The following GPC6 variants were observed in gnomAD, a reference collection of about 807,000 sequenced individuals.
GPC6 encodes the protein glypican 6.
GPC6 carries 14 observed loss-of-function variants against 55.2 expected under a neutral mutation model. The ratio of observed to expected loss-of-function variants is 0.25; its 90% CI spans 0.17 to 0.40. GPC6 has a LOEUF of 0.40. Among genes scored for constraint, GPC6 ranks in the 10% least tolerant of loss-of-function variants. The pLI, the probability that GPC6 is intolerant of heterozygous loss-of-function variation, is 1.00. For synonymous variants in GPC6, 278 were observed against 259.6 expected (o/e 1.07, Z -0.68); for missense variants, 641 against 708.5 (o/e 0.90, Z 1.08).
intron 2 of GPC6, among the ~76,000 whole-genome samples, chr13:93,650,986 G>A (rs922554471): frequency 3.9e-5 from 6 of 152,200 alleles, no homozygotes; most frequent in East Asian, 1.9e-4. Context: ...TCATGAACAA[G>A]CATTAAGTAT....
intron 2 of GPC6, among the ~76,000 whole-genome samples, chr13:93,785,786 C>A (rs1332383753): frequency 6.6e-6 from 1 of 151,960 alleles, no homozygotes; most frequent in Admixed American, 6.6e-5. Flanking sequence ...CATAGCAAGA[C>A]CCCATCTCTA....
At chr13:93,389,181 G>A (rs1875518288) in intron 1 of GPC6, among the ~76,000 whole-genome samples, 1 of 151,932 alleles carries the variant, frequency 6.6e-6, no homozygotes, top group Non-Finnish European at 1.5e-5. Context: ...ACTAATTACT[G>A]CTAGAAATAC....
At chr13:93,261,294 A>G (rs1358243914) in intron 1 of GPC6, among the ~76,000 whole-genome samples, 1 of 152,144 alleles carries the variant, frequency 6.6e-6, no homozygotes, top group Non-Finnish European at 1.5e-5. Context: ...TTTTTAAATC[A>G]GTTATTCCAA....
chr13:93,512,490 CT>C (rs1881019348), intron 1 of GPC6, among the ~76,000 whole-genome samples: 1 of 152,050 alleles, frequency 6.6e-6, no homozygotes, highest in Non-Finnish European at 1.5e-5. Flanking sequence ...TTGAATCATC[CT>C]TGCAGTCCTG....
At chr13:93,556,504 T>C (rs531375501) in intron 2 of GPC6, among the ~76,000 whole-genome samples, 241 of 150,430 alleles carry the variant, frequency 1.6e-3, no homozygotes, top group African/African-American at 5.8e-3. Flanking sequence ...GAATGGAGTA[T>C]CCATCCCCTC....
At chr13:93,324,432 G>T (rs1879566625) in intron 1 of GPC6, among the ~76,000 whole-genome samples, 2 of 151,400 alleles carry the variant, frequency 1.3e-5, no homozygotes, top group South Asian at 4.2e-4. Flanking sequence ...AGTATAATTG[G>T]ATTGTTTGTA....
intron 6 of GPC6, among the ~76,000 whole-genome samples, chr13:94,381,060 A>G (rs1880133137): frequency 6.6e-6 from 1 of 152,140 alleles, no homozygotes; most frequent in African/African-American, 2.4e-5. Context: ...ACAAGTGACC[A>G]ATTTGTCCCC....
chr13:93,752,260 C>T (rs1312458928), intron 2 of GPC6, among the ~76,000 whole-genome samples: 2 of 151,958 alleles, frequency 1.3e-5, no homozygotes, highest in African/African-American at 4.8e-5. Context: ...GATGATGTTT[C>T]AGAGCTCATG....
intron 1 of GPC6, among the ~76,000 whole-genome samples, chr13:93,371,712 G>A (rs1310794568): frequency 1.3e-5 from 2 of 152,010 alleles, no homozygotes; most frequent in African/African-American, 2.4e-5. Flanking sequence ...GGCTATTAGG[G>A]AAACTAAAGC....
rs77029487 is a variant in GPC6, at chr13:93,625,707, A to T, written c.319+80286A>T. Among the ~76,000 whole-genome samples the T allele has an allele frequency of 7.5e-3, 1,149 of 152,312 alleles. 13 individuals are homozygous for T. The highest frequency in any genetic ancestry group is 0.025 in the African/African-American group (1,048 of 41,556). On this transcript the variant is annotated intron_variant, in intron 2 of 8. Transcript: ENST00000377047. ...AAGGCCCCAGGCCAAAATGCTTGGG[A>T]GAAAGACTTAGAAAGGACAATCAGA...
At chr13:93,493,556 T>C (rs2139360951) in intron 1 of GPC6, among the ~76,000 whole-genome samples, 1 of 123,080 alleles carries the variant, frequency 8.1e-6, no homozygotes, top group East Asian at 3.5e-4. Flanking sequence ...ATTTCTTGCC[T>C]TCTGCTAGCT....
chr13:93,270,924 C>G (rs1877500494), intron 1 of GPC6, among the ~76,000 whole-genome samples: 1 of 152,152 alleles, frequency 6.6e-6, no homozygotes, highest in African/African-American at 2.4e-5. Context: ...GTATTTAGAT[C>G]TTAGGTTGAA....
intron 3 of GPC6, among the ~76,000 whole-genome samples, chr13:93,991,670 A>T (rs371579350): frequency 1.8e-4 from 28 of 152,236 alleles, no homozygotes; most frequent in African/African-American, 6.0e-4. Flanking sequence ...AAGGTACACA[A>T]CTGTAGCCAT....
intron 4 of GPC6, among the ~76,000 whole-genome samples, chr13:94,078,963 G>A (rs1230665348): frequency 6.6e-6 from 1 of 151,892 alleles, no homozygotes; most frequent in Admixed American, 6.6e-5. Flanking sequence ...TTTTAGGTAA[G>A]TATATTTTTA....
At chr13:93,235,301 G>C (rs1876196593) in intron 1 of GPC6, among the ~76,000 whole-genome samples, 2 of 152,174 alleles carry the variant, frequency 1.3e-5, no homozygotes, top group Admixed American at 1.3e-4. Flanking sequence ...GTGCAGAGGA[G>C]AGCACAGAAA....
chr13:93,709,777 G>A (rs778384662), intron 2 of GPC6, among the ~76,000 whole-genome samples: 10 of 151,756 alleles, frequency 6.6e-5, no homozygotes, highest in Non-Finnish European at 1.5e-4. Flanking sequence ...GTCTTTTAGT[G>A]TCAGGCCTAT....
chr13:93,239,969 G>A (rs1263436946), intron 1 of GPC6, among the ~76,000 whole-genome samples: 2 of 151,990 alleles, frequency 1.3e-5, no homozygotes, highest in South Asian at 2.1e-4. Flanking sequence ...TGATTTTTAG[G>A]TTTATTCTGC....
intron 4 of GPC6, among the ~76,000 whole-genome samples, chr13:94,171,266 C>T (rs1211863453): frequency 6.6e-6 from 1 of 152,176 alleles, no homozygotes; most frequent in Non-Finnish European, 1.5e-5. Context: ...CAAATTTACC[C>T]TTACACGCAA....
intron 6 of GPC6, chr13:94,306,362 C>A: frequency 1.8e-6 from 1 of 558,214 alleles, no homozygotes; most frequent in Non-Finnish European, 3.2e-6. Context: ...GCAGTGACCA[C>A]ATTTTCAACT....
Sources: allele counts gnomAD v4.1 joint callset (sites outside exome capture counted in the v4.1 genomes callset), GRCh38; gene constraint gnomAD v4.1.1; transcripts MANE v1.5; gene names NCBI Gene and HGNC (gene_info 2026-07-23, HGNC 2026-07-21).